Variants in GTPBP4 observed in about 807,000 individuals in gnomAD.
GTPBP4 encodes the protein GTP-binding protein 4.
GTPBP4 carries 15 observed loss-of-function variants against 81.7 expected under a neutral mutation model. The ratio of observed to expected loss-of-function variants is 0.18; its 90% CI spans 0.12 to 0.28. The LOEUF is 0.28. Among genes scored for constraint, GTPBP4 ranks in the 10% least tolerant of loss-of-function variants. The probability of loss-of-function intolerance (pLI) is 1.00; values close to 1 mark genes in which losing one functional copy is unlikely to be tolerated. For synonymous variants in GTPBP4, 272 were observed against 274.6 expected, an observed-to-expected ratio of 0.99 and a Z score of 0.09; for missense variants, 847 against 793.8, an observed-to-expected ratio of 1.07 and a Z score of -0.81.
chr10:1,004,025 T>C (rs909207384), intron 8 of GTPBP4, among the ~76,000 whole-genome samples: 1 of 152,112 alleles, frequency 6.6e-6, no homozygotes, highest in Non-Finnish European at 1.5e-5. Context: ...GGCAAGGCTG[T>C]GGCTGTGGCT....
intron 12 of GTPBP4, 103 bp from the exon 13 acceptor site, chr10:1,010,317 G>A: frequency 1.5e-6 from 1 of 682,310 alleles, no homozygotes; most frequent in South Asian, 1.7e-5. Flanking sequence ...CTCTTCTGCA[G>A]TGGAGTCGTT....
chr10:995,480 A>G (rs1831522197), intron 2 of GTPBP4, among the ~76,000 whole-genome samples: 1 of 118,016 alleles, frequency 8.5e-6, no homozygotes, highest in African/African-American at 3.4e-5. Flanking sequence ...GGAGGAGAGG[A>G]GAGACACAGT....
intron 15 of GTPBP4, among the ~76,000 whole-genome samples, chr10:1,015,399 C>CGCTGAGCCTGGGAGCGGGG (rs1831961668): frequency 2.3e-4 from 9 of 39,304 alleles, no homozygotes; most frequent in African/African-American, 6.5e-4. Context: ...TGGGAGTGGA[C>CGCTGAGCCTGGGAGCGGGG]CTGGGGTCCT....
At chr10:992,766 T>A (rs1831467685) in intron 2 of GTPBP4, 107 bp downstream of exon 2, 2 of 639,724 alleles carry the variant, frequency 3.1e-6, no homozygotes, top group East Asian at 5.7e-5. Flanking sequence ...ACAAAATAAT[T>A]GACTTAGGTT....
intron 4 of GTPBP4, chr10:996,658 T>G (rs972316845): frequency 1.3e-5 from 2 of 157,774 alleles, no homozygotes; most frequent in African/African-American, 4.8e-5. Flanking sequence ...CAAATTATTT[T>G]GACTCATTCG....
intron 10 of GTPBP4, chr10:1,008,180 A>T (rs968437269): frequency 8.8e-6 from 4 of 453,342 alleles, no homozygotes; most frequent in African/African-American, 6.0e-5. Flanking sequence ...TGGGAGGCCG[A>T]GGCGGGTGGA....
intron 2 of GTPBP4, among the ~76,000 whole-genome samples, chr10:994,430 G>A (rs531844735): frequency 9.9e-5 from 15 of 151,924 alleles, no homozygotes; most frequent in African/African-American, 2.4e-4. Context: ...GACTATACCC[G>A]GCTAATTTTT....
Position 1,019,393 on chromosome 10 carries a change from TATACATG to T in GTPBP4, c.*2169_*2175del. 1.5e-6 allele frequency: 1 copy of T among 654,730 alleles called. No individual in the cohort carries two copies. Among genetic ancestry groups the T allele is most frequent in the East Asian group, 2.8e-5 (1 of 36,274 alleles). The allele number at this position is 654,730 out of a possible 1,614,324, so 40.6% of individuals were successfully genotyped here. A position where few individuals can be genotyped will look rare whatever the true frequency, so the allele number is the denominator to read the frequency against. On this transcript the variant is annotated 3_prime_UTR_variant, in exon 17 of 17. Transcript: ENST00000360803. ...TGATGAAAAGGTTGAAATAGTGATT[TATACATG>T]ATGGGCAATCAAGTGCCCCTTTTGC...
Position 1,017,391 on chromosome 10 carries a change from G to T in GTPBP4, c.*164G>T. On this transcript the variant is annotated 3_prime_UTR_variant, in exon 17 of 17. Transcript: ENST00000360803. ...CTATGGTTAACCCTATATAGGTGTG[G>T]GAAATTTTTGTCACTGCATAATATT... 1.8e-6 allele frequency: 1 copy of T among 544,876 alleles called. No homozygotes were observed. Among genetic ancestry groups the T allele is most frequent in the South Asian group, 3.8e-5 (1 of 26,156 alleles). 33.8% of individuals were successfully genotyped at this position (544,876 alleles called of 1,614,324 possible).
chr10:992,504 A>T lies in GTPBP4; in HGVS notation c.64A>T (p.Thr22Ser). 1 of 1,597,686 alleles carries T rather than the reference A, an allele frequency of 6.3e-7. No individual in the cohort carries two copies. The highest frequency in any genetic ancestry group is 8.6e-7 in the Non-Finnish European group (1 of 1,165,462). ...TTAATTGCAGGACTTCATAGACCTCACGTTGTCGAAGACTCAACGAAAGAC... is the reference window on the plus strand; with the variant it reads ...TTAATTGCAGGACTTCATAGACCTCTCGTTGTCGAAGACTCAACGAAAGAC... ...VPSAKDFIDL[T>S]LSKTQRKTPT... The change falls in exon 2 of 17, where the codon ACG (threonine) becomes TCG (serine). Residue 22 changes from threonine (T) to serine (S), a missense_variant. Physicochemically the swap from Thr to Ser is moderately conservative, Grantham distance 58 (BLOSUM62 1). Around this residue, in one of 3 missense-constraint regions of GTPBP4, gnomAD observed 241 missense variants for 216.3 expected, o/e 1.11. Coordinates refer to ENST00000360803, the MANE Select transcript of GTPBP4 (RefSeq NM_012341.3).
rs113217355 is a variant in GTPBP4 at position 1,006,626 on chromosome 10, G to A, written c.1003-392G>A. 6.2e-3 allele frequency among the ~76,000 whole-genome samples: 947 copies of A among 152,230 alleles called. 15 individuals are homozygous for A. The highest frequency in any genetic ancestry group is 0.022 in the African/African-American group (898 of 41,516). On this transcript the variant is annotated intron_variant, in intron 9 of 16. Coordinates refer to ENST00000360803, the MANE Select transcript of GTPBP4 (RefSeq NM_012341.3). Reference sequence around the variant, plus strand: ...GCACTACAGCCTGGGCAGCAAGAGCGAGATACCATCTCAAAAAAAAAGATG... The same window carrying A: ...GCACTACAGCCTGGGCAGCAAGAGCAAGATACCATCTCAAAAAAAAAGATG...
Position 1,012,634 on chromosome 10 carries a change from G to A in GTPBP4, c.1514G>A (p.Gly505Glu). ...ILESKEKNTQ[G>E]PRMPRTAKKV... is the part of the protein sequence containing the mutation. ...GAGTCCAAAGAAAAGAATACACAGG[G>A]ACCCAGGATGCCGCGAACTGCTAAG... Residue 505 changes from glycine to glutamate, a missense_variant, in exon 14 of 17, where the codon GGA (glycine) becomes GAA (glutamate). Gly to Glu is a moderately conservative substitution (Grantham distance 98). Around this residue, in one of 3 missense-constraint regions of GTPBP4, gnomAD observed 600 missense variants for 557.1 expected, o/e 1.08. Transcript: ENST00000360803. 6.2e-7 allele frequency: 1 copy of A among 1,613,536 alleles called. No homozygotes were observed. Among genetic ancestry groups the A allele is most frequent in the South Asian group, 1.1e-5 (1 of 90,988 alleles).
intron 5 of GTPBP4, 138 bp from the exon 6 acceptor site, chr10:998,865 C>T: frequency 1.6e-6 from 1 of 623,850 alleles, no homozygotes; most frequent in Non-Finnish European, 2.9e-6. Context: ...AGGTACCAGG[C>T]TCCTATTCGA....
chr10:1,006,713 C>T (rs1369517825), intron 9 of GTPBP4, among the ~76,000 whole-genome samples: 1 of 152,056 alleles, frequency 6.6e-6, no homozygotes, highest in Non-Finnish European at 1.5e-5. Flanking sequence ...ATGCCATGGT[C>T]GCACTCAGGA....
At chr10:1,010,387 C>A in intron 12 of GTPBP4, 33 bp from the exon 13 acceptor site, 1 of 1,106,592 alleles carries the variant, frequency 9.0e-7, no homozygotes, top group Non-Finnish European at 1.4e-6. Context: ...TTAAAAACTG[C>A]TGTAAACGTA....
chr10:999,189 GT>G (rs1451771924), intron 6 of GTPBP4, 94 bp downstream of exon 6: 40 of 722,478 alleles, frequency 5.5e-5, no homozygotes, highest in Non-Finnish European at 8.7e-5. Flanking sequence ...CATGATCTCA[GT>G]CCACTGCAAC....
chr10:989,861 C>T (rs1026737547), intron 1 of GTPBP4, among the ~76,000 whole-genome samples: 7 of 152,112 alleles, frequency 4.6e-5, no homozygotes, highest in African/African-American at 1.2e-4. Flanking sequence ...CTCAGCCTCC[C>T]GAGTAGCTGG....
chr10:1,009,323 A>G (rs1316081925), intron 11 of GTPBP4, among the ~76,000 whole-genome samples: 1 of 152,140 alleles, frequency 6.6e-6, no homozygotes, highest in African/African-American at 2.4e-5. Flanking sequence ...AGACAGGGAG[A>G]TAAGAAACAG....
At chr10:990,504 C>T (rs569506008) in intron 1 of GTPBP4, among the ~76,000 whole-genome samples, 19 of 151,882 alleles carry the variant, frequency 1.3e-4, no homozygotes, top group South Asian at 6.2e-4. Context: ...GGGCAAATCA[C>T]GAGGTCAGGA....
Sources: allele counts gnomAD v4.1 joint callset (sites outside exome capture counted in the v4.1 genomes callset), GRCh38; gene constraint gnomAD v4.1.1; regional missense constraint gnomAD v4.1.1; transcripts MANE v1.5; gene names NCBI Gene and HGNC (gene_info 2026-07-23, HGNC 2026-07-21).